Variants in PKNOX2 observed in about 807,000 individuals in gnomAD.
The protein encoded by PKNOX2 is PBX/knotted 1 homeobox 2, also known as homeobox protein PKNOX2.
Under a neutral mutation model 53.1 loss-of-function variants are expected in PKNOX2, and 14 were observed. The observed-to-expected ratio is 0.26, with a 90% CI of 0.17 to 0.41. The LOEUF is 0.41. Ranked by LOEUF, PKNOX2 falls within the 10% of genes least tolerant of loss-of-function variation. PKNOX2 has a pLI of 1.00. For synonymous variants in PKNOX2, 257 were observed against 242.8 expected (o/e 1.06, Z -0.54); for missense variants, 496 against 602.8 (o/e 0.82, Z 1.85).
intron 2 of PKNOX2, among the ~76,000 whole-genome samples, chr11:125,304,943 G>A (rs751574673): frequency 6.6e-6 from 1 of 152,216 alleles, no homozygotes; most frequent in Non-Finnish European, 1.5e-5. Context: ...GCCTCGTGAA[G>A]TCAGCCTATG....
intron 2 of PKNOX2, among the ~76,000 whole-genome samples, chr11:125,244,794 G>A (rs1943432593): frequency 6.6e-6 from 1 of 152,192 alleles, no homozygotes; most frequent in Non-Finnish European, 1.5e-5. Flanking sequence ...GACTGAATTA[G>A]GCTAGGTTGG....
At chr11:125,430,223 C>G (rs1956633013) in intron 12 of PKNOX2, 82 bp downstream of exon 12, 1 of 1,482,432 alleles carries the variant, frequency 6.7e-7, no homozygotes, top group Non-Finnish European at 9.1e-7. Flanking sequence ...TGCAAAGATT[C>G]AAGGGCTATC....
intron 2 of PKNOX2, among the ~76,000 whole-genome samples, chr11:125,273,826 G>A (rs964033140): frequency 1.3e-5 from 2 of 152,162 alleles, no homozygotes; most frequent in Non-Finnish European, 2.9e-5. Flanking sequence ...TGCTTTTACC[G>A]TAACTGACAA....
At chr11:125,343,759 G>T (rs1950829466) in intron 3 of PKNOX2, among the ~76,000 whole-genome samples, 1 of 152,224 alleles carries the variant, frequency 6.6e-6, no homozygotes, top group South Asian at 2.1e-4. Flanking sequence ...TTCCCGGTGT[G>T]GAGAGGCGGG....
At chr11:125,418,513 G>T (rs557300369) in intron 10 of PKNOX2, among the ~76,000 whole-genome samples, 3 of 152,070 alleles carry the variant, frequency 2.0e-5, no homozygotes, top group Non-Finnish European at 2.9e-5. Flanking sequence ...CCTTCTGGCT[G>T]GGGGGAGGCA....
chr11:125,373,217 C>T (rs1952647060), intron 5 of PKNOX2, among the ~76,000 whole-genome samples: 1 of 152,210 alleles, frequency 6.6e-6, no homozygotes, highest in African/African-American at 2.4e-5. Flanking sequence ...GTTTTCTCAA[C>T]TATCAAAAAG....
chr11:125,254,250 G>T (rs187532180), intron 2 of PKNOX2, among the ~76,000 whole-genome samples: 2 of 152,314 alleles, frequency 1.3e-5, no homozygotes, highest in East Asian at 3.9e-4. Flanking sequence ...CTCACCAGTG[G>T]CTTCCATCTC....
chr11:125,209,620 A>G (rs1018919199), intron 1 of PKNOX2, among the ~76,000 whole-genome samples: 14 of 152,098 alleles, frequency 9.2e-5, no homozygotes, highest in African/African-American at 3.1e-4. Context: ...CAAATGAAAA[A>G]GTTGGAGAAC....
At chr11:125,238,810 A>G (rs1307552074) in intron 2 of PKNOX2, among the ~76,000 whole-genome samples, 1 of 152,218 alleles carries the variant, frequency 6.6e-6, no homozygotes, top group Non-Finnish European at 1.5e-5. Context: ...ACACAAACAT[A>G]AAGGTCATTT....
chr11:125,226,892 C>T (rs1040326783), intron 1 of PKNOX2, among the ~76,000 whole-genome samples: 2 of 151,932 alleles, frequency 1.3e-5, no homozygotes, highest in Non-Finnish European at 1.5e-5. Flanking sequence ...GTCCCTCCTC[C>T]CTGGCAGCCT....
At chr11:125,174,286 C>T (rs1435361321) in intron 1 of PKNOX2, among the ~76,000 whole-genome samples, 1 of 152,180 alleles carries the variant, frequency 6.6e-6, no homozygotes, top group Non-Finnish European at 1.5e-5. Flanking sequence ...CCTGAACCCA[C>T]TATTTAATTA....
At chr11:125,418,398 G>T (rs1249695982) in intron 10 of PKNOX2, among the ~76,000 whole-genome samples, 4 of 152,068 alleles carry the variant, frequency 2.6e-5, no homozygotes, top group Non-Finnish European at 5.9e-5. Flanking sequence ...AAGTCCTGCT[G>T]CCATGACGGG....
At position 125,193,302 on chromosome 11, in the gene PKNOX2, C is replaced by T. The variant is rs185628673; in HGVS notation, c.-201+28526C>T. On this transcript the variant is annotated intron_variant, in intron 1 of 12. Transcript: ENST00000298282. ...AATGCTGCCACACAGTGTATCTGCG[C>T]GGCAGAAAGCCCCCTCTCTACCGAG... 1.1e-4 allele frequency among the ~76,000 whole-genome samples: 17 copies of T among 152,282 alleles called. No homozygotes were observed. The East Asian group carries it at 1.9e-3, about 17-fold the overall frequency.
chr11:125,180,889 C>A (rs1011367715), intron 1 of PKNOX2, among the ~76,000 whole-genome samples: 7 of 152,206 alleles, frequency 4.6e-5, no homozygotes, highest in Non-Finnish European at 7.3e-5. Flanking sequence ...CTGTCAAGGT[C>A]AATCCACAGG....
chr11:125,245,197 T>C (rs77423699), intron 2 of PKNOX2, among the ~76,000 whole-genome samples: 3,706 of 152,252 alleles, frequency 0.024, 165 homozygotes, highest in African/African-American at 0.084. Context: ...TCTTCCCTTA[T>C]GCCATGTGAT....
chr11:125,275,898 G>C (rs1287616876), intron 2 of PKNOX2, among the ~76,000 whole-genome samples: 1 of 152,176 alleles, frequency 6.6e-6, no homozygotes, highest in Non-Finnish European at 1.5e-5. Context: ...ACCTGCATGT[G>C]TAAGAAGGTC....
chr11:125,205,137 C>T (rs1275103483), intron 1 of PKNOX2, among the ~76,000 whole-genome samples: 1 of 152,226 alleles, frequency 6.6e-6, no homozygotes, highest in African/African-American at 2.4e-5. Context: ...GAAGATGCTC[C>T]ATACATATTT....
At chr11:125,396,679 A>C (rs1275260638) in intron 6 of PKNOX2, among the ~76,000 whole-genome samples, 1 of 152,162 alleles carries the variant, frequency 6.6e-6, no homozygotes, top group East Asian at 1.9e-4. Flanking sequence ...TAACAATAGG[A>C]GACTGGTTAA....
intron 5 of PKNOX2, among the ~76,000 whole-genome samples, chr11:125,375,754 G>A (rs1352346668): frequency 6.6e-6 from 1 of 152,178 alleles, no homozygotes; most frequent in African/African-American, 2.4e-5. Flanking sequence ...TTCTCTAGGG[G>A]GACTGGCTGA....
Sources: gnomAD v4.1 joint callset for allele counts (sites outside exome capture counted in the v4.1 genomes callset) on GRCh38, gnomAD v4.1.1 for gene constraint, MANE v1.5 for transcripts, NCBI Gene and HGNC (gene_info 2026-07-23, HGNC 2026-07-21) for gene names.